ZNF503: variants seen among roughly 807,000 people sequenced by gnomAD.
ZNF503 encodes the protein zinc finger protein 503, also known as NocA-like zinc finger 2.
ZNF503 carries 15 observed loss-of-function variants against 34.4 expected under a neutral mutation model. That is an observed-to-expected ratio of 0.44 (90% CI 0.29 to 0.67). The LOEUF (loss-of-function observed/expected upper bound fraction) is 0.67. Among genes scored for constraint, ZNF503 ranks in the 30% least tolerant of loss-of-function variants. The probability of loss-of-function intolerance (pLI) is 0.13; values close to 1 mark genes in which losing one functional copy is unlikely to be tolerated. For missense variants in ZNF503, 1,007 were observed against 926.8 expected, an observed-to-expected ratio of 1.09 and a Z score of -1.12; for synonymous variants, 580 against 456.8, an observed-to-expected ratio of 1.27 and a Z score of -3.44.
chr10:75,308,698 G>T, the ZNF503 span, among the ~76,000 whole-genome samples: 1 of 152,212 alleles, frequency 6.6e-6, no homozygotes, highest in Non-Finnish European at 1.5e-5. Flanking sequence ...CTTTGAGGTT[G>T]TCAAGACATC....
chr10:75,353,661 C>T, the ZNF503 span, among the ~76,000 whole-genome samples: 1 of 152,206 alleles, frequency 6.6e-6, no homozygotes, highest in Non-Finnish European at 1.5e-5. Flanking sequence ...AGGGGCTCCC[C>T]TGGAAAAGGC....
chr10:75,399,174 T>G lies in ZNF503; in HGVS notation c.1516A>C (p.Met506Leu). The change falls in exon 2 of 2, where the codon ATG (methionine) becomes CTG (leucine). Residue 506 changes from methionine (M) to leucine (L), a missense_variant. Physicochemically the swap from Met to Leu is conservative, Grantham distance 15. Transcript: ENST00000372524. ...AGHPLYPYGF[M>L]LPNDPLPHIC... ...TGGGGGAGTGGGTCGTTAGGGAGCA[T>G]AAAGCCGTAGGGGTAGAGGGGGTGG... 1 of 1,611,338 alleles carries G rather than the reference T, an allele frequency of 6.2e-7. No individual in the cohort carries two copies. Among genetic ancestry groups the G allele is most frequent in the Non-Finnish European group, 8.5e-7 (1 of 1,178,482 alleles).
chr10:75,351,492 C>T, the ZNF503 span, among the ~76,000 whole-genome samples: 1 of 152,154 alleles, frequency 6.6e-6, no homozygotes, highest in Non-Finnish European at 1.5e-5. Context: ...ATTTTTGAGG[C>T]ACAACTGAAT....
the ZNF503 span, among the ~76,000 whole-genome samples, chr10:75,315,376 C>G: frequency 6.6e-6 from 1 of 151,996 alleles, no homozygotes; most frequent in Non-Finnish European, 1.5e-5. Context: ...AAAATGAAAA[C>G]AAGCTATAGC....
the ZNF503 span, among the ~76,000 whole-genome samples, chr10:75,374,717 C>G: frequency 6.6e-5 from 10 of 152,230 alleles, no homozygotes; most frequent in African/African-American, 2.2e-4. Flanking sequence ...AGTCTACTGT[C>G]TCCCAGTACC....
At chr10:75,384,877 C>T in the ZNF503 span, among the ~76,000 whole-genome samples, 1 of 152,240 alleles carries the variant, frequency 6.6e-6, no homozygotes, top group Non-Finnish European at 1.5e-5. Context: ...CTTGAGTCTT[C>T]CTCGCTGACC....
chr10:75,375,926 C>T, the ZNF503 span, among the ~76,000 whole-genome samples: 1 of 152,190 alleles, frequency 6.6e-6, no homozygotes, highest in African/African-American at 2.4e-5. Flanking sequence ...TAGTGCTCTA[C>T]ATCCTCTTCA....
chr10:75,321,384 T>C, the ZNF503 span, among the ~76,000 whole-genome samples: 1 of 152,144 alleles, frequency 6.6e-6, no homozygotes, highest in African/African-American at 2.4e-5. Flanking sequence ...GCTATAAAGA[T>C]ACCTGAAAAT....
At chr10:75,329,029 G>A in the ZNF503 span, among the ~76,000 whole-genome samples, 1 of 152,116 alleles carries the variant, frequency 6.6e-6, no homozygotes, top group African/African-American at 2.4e-5. Flanking sequence ...TTATAGGCGT[G>A]AGCCACCGTG....
At chr10:75,317,020 C>T in the ZNF503 span, among the ~76,000 whole-genome samples, 27 of 152,312 alleles carry the variant, frequency 1.8e-4, no homozygotes, top group Admixed American at 7.8e-4. Flanking sequence ...TAGCTCACTG[C>T]AGCCTCAAAC....
the ZNF503 span, among the ~76,000 whole-genome samples, chr10:75,287,621 AG>A: frequency 6.6e-6 from 1 of 151,974 alleles, no homozygotes; most frequent in Non-Finnish European, 1.5e-5. Flanking sequence ...AGGCTTCCTG[AG>A]GGTAGGTTGA....
the ZNF503 span, among the ~76,000 whole-genome samples, chr10:75,338,955 C>T: frequency 1.5e-3 from 235 of 152,242 alleles, no homozygotes; most frequent in African/African-American, 5.3e-3. Flanking sequence ...AGGCCGGGCA[C>T]GGTGGCTCAT....
chr10:75,344,865 G>A, the ZNF503 span, among the ~76,000 whole-genome samples: 3 of 152,210 alleles, frequency 2.0e-5, no homozygotes, highest in Non-Finnish European at 2.9e-5. Context: ...GGCTATGGTG[G>A]TAACAGTAAC....
Position 75,401,273 on chromosome 10 carries a change from C to T in ZNF503, c.147G>A (p.Pro49=), listed in dbSNP as rs370001452. Residue 49 remains proline, a synonymous_variant, in exon 1 of 2, where the codon CCG becomes CCA. Transcript: ENST00000372524. ...GCACAAAAGGCTTGGTGCTGCCGGCCGGGGACGAGCCTGGGCCGGGGCCGG... is the reference window on the plus strand; with the variant it reads ...GCACAAAAGGCTTGGTGCTGCCGGCTGGGGACGAGCCTGGGCCGGGGCCGG... ...NSSGPGPGSS[P]AGSTKPFVHA... 185 of 1,588,904 alleles carry T rather than the reference C, an allele frequency of 1.2e-4. 1 individual carries two copies. The highest frequency in any genetic ancestry group is 1.7e-4 in the Middle Eastern group (1 of 6,036).
the ZNF503 span, among the ~76,000 whole-genome samples, chr10:75,344,484 T>C: frequency 6.6e-6 from 1 of 152,166 alleles, no homozygotes; most frequent in African/African-American, 2.4e-5. Flanking sequence ...ACAGAAGACA[T>C]TGGATGCCGC....
the ZNF503 span, among the ~76,000 whole-genome samples, chr10:75,281,802 G>A: frequency 9.9e-5 from 15 of 152,124 alleles, no homozygotes; most frequent in Non-Finnish European, 1.9e-4. Flanking sequence ...CCATAGACCC[G>A]GGTCCAGAGG....
chr10:75,375,329 G>T, the ZNF503 span, among the ~76,000 whole-genome samples: 1 of 151,928 alleles, frequency 6.6e-6, no homozygotes, highest in Non-Finnish European at 1.5e-5. Flanking sequence ...CACCGTGTTA[G>T]CCAGGATGGT....
the ZNF503 span, among the ~76,000 whole-genome samples, chr10:75,309,113 AT>A: frequency 6.6e-6 from 1 of 152,106 alleles, no homozygotes; most frequent in Non-Finnish European, 1.5e-5. Flanking sequence ...CAGTGTTGGG[AT>A]TACAGGCATG....
chr10:75,335,472 C>G, the ZNF503 span, among the ~76,000 whole-genome samples: 1 of 152,070 alleles, frequency 6.6e-6, no homozygotes, highest in African/African-American at 2.4e-5. Context: ...CCAAACCAGG[C>G]CAATTACATT....
Sources: allele counts gnomAD v4.1 joint callset (sites outside exome capture counted in the v4.1 genomes callset), GRCh38; gene constraint gnomAD v4.1.1; transcripts MANE v1.5; gene names NCBI Gene and HGNC (gene_info 2026-07-23, HGNC 2026-07-21).